Variants in RIBC1 observed in about 807,000 individuals in gnomAD.
RIBC1 encodes RIB43A domain with coiled-coils 1, also known as RIB43A-like with coiled-coils protein 1.
A neutral mutation model predicts 33.7 loss-of-function variants in RIBC1; 12 were observed. The ratio of observed to expected loss-of-function variants is 0.36; its 90% CI spans 0.23 to 0.58. The LOEUF (loss-of-function observed/expected upper bound fraction) is 0.58, where lower values mean the gene tolerates loss of function less well. Ranked by LOEUF, RIBC1 falls within the 20% of genes least tolerant of loss-of-function variation. The pLI is 0.81. For synonymous variants in RIBC1, 89 were observed against 109.0 expected (o/e 0.82, Z 1.14); for missense variants, 242 against 311.6 (o/e 0.78, Z 1.68).
Position 53,430,728 on chromosome X carries a change from T to G in RIBC1, c.996T>G (p.Cys332Trp), listed in dbSNP as rs781871839. The G allele has an allele frequency of 1.7e-6, 2 of 1,203,997 alleles. No homozygotes were observed. Among genetic ancestry groups the G allele is most frequent in the Non-Finnish European group, 2.2e-6 (2 of 891,204 alleles). ...TAGAAGAGCAGGAGAGGGAATTGTG[T>G]GCTGTATTTCAAAGGGGTCTAGGAT... ...LELEEQEREL[C>W]AVFQRGLGSF... The change falls in exon 7 of 8, where the codon TGT (cysteine) becomes TGG (tryptophan). Residue 332 changes from cysteine (C) to tryptophan (W), a missense_variant. Cys to Trp is a radical substitution (Grantham distance 215). Transcript: ENST00000375327.
intron 5 of RIBC1, chrX:53,429,503 G>A (rs1281409547): frequency 5.2e-6 from 1 of 191,441 alleles, no homozygotes; most frequent in Non-Finnish European, 9.3e-6. Context: ...TCCCCAACTA[G>A]ACAGGGAGTT....
intron 2 of RIBC1, among the ~76,000 whole-genome samples, chrX:53,425,162 A>G (rs2075784437): frequency 8.9e-6 from 1 of 112,237 alleles, no homozygotes; most frequent in Non-Finnish European, 1.9e-5. Flanking sequence ...ACAAAGGAAC[A>G]GCACATACAA....
At chrX:53,423,960 T>G (rs782270671) in intron 2 of RIBC1, among the ~76,000 whole-genome samples, 23 of 111,300 alleles carry the variant, frequency 2.1e-4, no homozygotes, top group African/African-American at 7.5e-4. Context: ...TCACCTCTGG[T>G]CTACCCAGGA....
intron 5 of RIBC1, 132 bp from the exon 6 acceptor site, chrX:53,429,722 C>G: frequency 9.3e-7 from 1 of 1,073,812 alleles, no homozygotes; most frequent in African/African-American, 1.8e-5. Context: ...CACATCCCTA[C>G]AACTCGGACA....
At chrX:53,425,324 C>T (rs898444065) in intron 2 of RIBC1, among the ~76,000 whole-genome samples, 3 of 109,516 alleles carry the variant, frequency 2.7e-5, no homozygotes, top group African/African-American at 1.0e-4. Context: ...GGATCTGATT[C>T]TAAGTATAGT....
chrX:53,431,038 T>G lies in RIBC1; in HGVS notation c.*50T>G. On this transcript the variant is annotated 3_prime_UTR_variant, in exon 8 of 8. Coordinates refer to ENST00000375327, the MANE Select transcript of RIBC1 (RefSeq NM_001031745.5). ...CCTTCTCCTCCATCAAGCTCACAGG[T>G]GGTTAGGAGTCAAAGAGAAAAATGC... 8.3e-7 allele frequency: 1 copy of G among 1,208,879 alleles called. No individual in the cohort carries two copies. Among genetic ancestry groups the G allele is most frequent in the African/African-American group, 1.7e-5 (1 of 57,583 alleles).
intron 2 of RIBC1, 72 bp from the exon 3 acceptor site, chrX:53,426,203 AAG>A: frequency 1.6e-6 from 1 of 629,210 alleles, no homozygotes. Context: ...TATAGGGAGA[AAG>A]GAATGGGGGT....
chrX:53,430,634 A>T lies in RIBC1; in HGVS notation c.902A>T (p.Gln301Leu). The change falls in exon 7 of 8, where the codon CAG becomes CTG. Residue 301 changes from glutamine (Q) to leucine (L), a missense_variant. Transcript: ENST00000375327. The part of the protein sequence containing the change: ...VQRSKKQAHR[Q>L]AEKTLDTEWK... The stretch of plus-strand genomic sequence containing the variant: ...CGCTCTAAGAAGCAAGCACACCGTC[A>T]GGCTGAGAAAACACTGGATACTGAA... 8.3e-7 allele frequency: 1 copy of T among 1,206,088 alleles called. No individual in the cohort carries two copies. The highest frequency in any genetic ancestry group is 1.1e-6 in the Non-Finnish European group (1 of 892,298).
intron 5 of RIBC1, 85 bp from the exon 6 acceptor site, chrX:53,429,769 C>T (rs2075812633): frequency 2.6e-5 from 30 of 1,138,272 alleles, no homozygotes; most frequent in Non-Finnish European, 3.2e-5. Context: ...CACACAAACA[C>T]AAAACTTGCT....
intron 3 of RIBC1, among the ~76,000 whole-genome samples, chrX:53,426,922 GT>G (rs1198620432): frequency 9.1e-6 from 1 of 110,216 alleles, no homozygotes; most frequent in Non-Finnish European, 1.9e-5. Context: ...GGAGGAGCAG[GT>G]TACAGTGAGC....
intron 2 of RIBC1, among the ~76,000 whole-genome samples, chrX:53,424,762 A>G (rs1245715682): frequency 1.8e-5 from 2 of 110,543 alleles, no homozygotes; most frequent in Non-Finnish European, 1.9e-5. Flanking sequence ...TGCAACTCCA[A>G]GTGGATTAAA....
chrX:53,428,874 T>C (rs1556893686), intron 5 of RIBC1: 1 of 977,765 alleles, frequency 1.0e-6, no homozygotes, highest in African/African-American at 1.9e-5. Flanking sequence ...ACAGACCTAA[T>C]GGCTCTGCCA....
At chrX:53,428,969 C>A in intron 5 of RIBC1, 1 of 365,798 alleles carries the variant, frequency 2.7e-6, no homozygotes, top group Non-Finnish European at 4.1e-6. Flanking sequence ...ATTTATACCA[C>A]ATAGAGTAGC....
rs782084539 is a variant in RIBC1 at position 53,430,893 on chromosome X, G to C, written c.1059-14G>C. On this transcript the variant is annotated splice_polypyrimidine_tract_variant and intron_variant, in intron 7 of 7. Transcript: ENST00000375327. ...GAAAGCATGTCAGCTGAGACCTCTG[G>C]ACTTCTTTCACAGGCAGGATTACCT... 8.3e-7 allele frequency: 1 copy of C among 1,211,032 alleles called. No homozygotes were observed. Among genetic ancestry groups the C allele is most frequent in the Non-Finnish European group, 1.1e-6 (1 of 895,218 alleles).
chrX:53,428,137 G>A, intron 4 of RIBC1, 53 bp downstream of exon 4: 1 of 1,196,001 alleles, frequency 8.4e-7, no homozygotes, highest in Non-Finnish European at 1.1e-6. Flanking sequence ...GAGCTCGAGT[G>A]GGCTGAGGTA....
Position 53,430,305 on chromosome X carries a change from G to A in RIBC1, c.664-91G>A, listed in dbSNP as rs182865116. On this transcript the variant is annotated intron_variant, in intron 6 of 7. Transcript: ENST00000375327. ...TGCAGTATCTGTTCTTTCTCCTTGAGATGGAAGAGTAGGGCCATGTTCCCC... is the reference window on the plus strand; with the variant it reads ...TGCAGTATCTGTTCTTTCTCCTTGAAATGGAAGAGTAGGGCCATGTTCCCC... 58 of 729,265 alleles carry A rather than the reference G, an allele frequency of 8.0e-5. No individual in the cohort carries two copies. The Admixed American group carries it at 1.2e-3, about 16-fold the overall frequency. The allele number at this position is 729,265 out of a possible 1,213,427, so 60.1% of individuals were successfully genotyped here. A position where few individuals can be genotyped will look rare whatever the true frequency, so the allele number is the denominator to read the frequency against.
chrX:53,428,664 G>T, intron 5 of RIBC1, 37 bp downstream of exon 5: 1 of 1,203,715 alleles, frequency 8.3e-7, no homozygotes, highest in Non-Finnish European at 1.1e-6. Context: ...GAGACCTGAG[G>T]CCTAGTGGGG....
At chrX:53,430,003 T>G in intron 6 of RIBC1, 31 bp downstream of exon 6, 1 of 1,094,866 alleles carries the variant, frequency 9.1e-7, no homozygotes, top group Admixed American at 2.3e-5. Context: ...TACCTTGGGC[T>G]CTCCCCAACT....
intron 3 of RIBC1, among the ~76,000 whole-genome samples, chrX:53,426,863 A>G (rs1445286519): frequency 9.0e-6 from 1 of 111,642 alleles, no homozygotes; most frequent in African/African-American, 3.3e-5. Flanking sequence ...GTGCATGCCT[A>G]TAATCCCAGC....
Sources: allele counts gnomAD v4.1 joint callset (sites outside exome capture counted in the v4.1 genomes callset), GRCh38; gene constraint gnomAD v4.1.1; transcripts MANE v1.5; gene names NCBI Gene and HGNC (gene_info 2026-07-23, HGNC 2026-07-21).